TRIM9: variants seen among roughly 807,000 people sequenced by gnomAD.
TRIM9 encodes the protein E3 ubiquitin-protein ligase TRIM9.
A neutral mutation model predicts 78.3 loss-of-function variants in TRIM9; 26 were observed. The ratio of observed to expected loss-of-function variants is 0.33; its 90% CI spans 0.24 to 0.46. The LOEUF is 0.46. Among genes scored for constraint, TRIM9 ranks in the 20% least tolerant of loss-of-function variants. The probability of loss-of-function intolerance (pLI) is 1.00; values close to 1 mark genes in which losing one functional copy is unlikely to be tolerated. For missense variants in TRIM9, 787 were observed against 1,036.4 expected (o/e 0.76, Z 3.30); for synonymous variants, 398 against 416.5 (o/e 0.96, Z 0.54).
intron 5 of TRIM9, among the ~76,000 whole-genome samples, chr14:51,004,224 T>A (rs2055460603): frequency 6.6e-6 from 1 of 152,202 alleles, no homozygotes; most frequent in Non-Finnish European, 1.5e-5. Context: ...CATTTATCCT[T>A]CTTTTAGCCT....
intron 1 of TRIM9, among the ~76,000 whole-genome samples, chr14:51,073,426 A>C (rs1566638370): frequency 6.6e-6 from 1 of 152,266 alleles, no homozygotes. Flanking sequence ...AGAATGGATA[A>C]ATTGTGAAAC....
intron 1 of TRIM9, among the ~76,000 whole-genome samples, chr14:51,068,445 G>A (rs2061939272): frequency 6.6e-6 from 1 of 152,168 alleles, no homozygotes; most frequent in Non-Finnish European, 1.5e-5. Context: ...GATAAAATAA[G>A]AATAAATATC....
chr14:50,976,423 A>T lies in TRIM9; in HGVS notation c.*868T>A, dbSNP rs2051096148. The stretch of plus-strand genomic sequence containing the variant: ...TTATTTTTGCTTTTTCTCCTACTGG[A>T]ATATAAGCTCCGAAGGGCAGAGACC... On this transcript the variant is annotated 3_prime_UTR_variant, in exon 13 of 13. Transcript: ENST00000684578. 6.6e-6 allele frequency: 1 copy of T among 152,150 alleles called. No individual in the cohort carries two copies. The highest frequency in any genetic ancestry group is 2.4e-5 in the African/African-American group (1 of 41,426). 9.4% of individuals were successfully genotyped at this position (152,150 alleles called of 1,614,324 possible).
chr14:51,036,654 A>T (rs2059178767), intron 1 of TRIM9, among the ~76,000 whole-genome samples: 1 of 152,346 alleles, frequency 6.6e-6, no homozygotes, highest in South Asian at 2.1e-4. Context: ...TCTTGACATG[A>T]TCAGTACAGG....
intron 1 of TRIM9, among the ~76,000 whole-genome samples, chr14:51,035,590 G>T (rs2059071624): frequency 6.6e-6 from 1 of 152,166 alleles, no homozygotes. Flanking sequence ...ACTGTTCCCT[G>T]GTAGTTTCAG....
chr14:50,977,791 G>T (rs1451054189), intron 12 of TRIM9, among the ~76,000 whole-genome samples: 2 of 152,118 alleles, frequency 1.3e-5, no homozygotes, highest in African/African-American at 2.4e-5. Flanking sequence ...TTCTGGGGTC[G>T]CATAGATGAT....
intron 3 of TRIM9, among the ~76,000 whole-genome samples, chr14:51,016,658 G>A (rs1206957964): frequency 2.6e-5 from 4 of 151,988 alleles, no homozygotes; most frequent in Non-Finnish European, 5.9e-5. Context: ...AGCATCTGTG[G>A]ATTTTGGTAT....
At chr14:50,989,629 C>T (rs1352039264) in intron 7 of TRIM9, among the ~76,000 whole-genome samples, 2 of 152,096 alleles carry the variant, frequency 1.3e-5, no homozygotes, top group Non-Finnish European at 2.9e-5. Context: ...CGCAGGGATC[C>T]CGTGTGGTTG....
intron 1 of TRIM9, among the ~76,000 whole-genome samples, chr14:51,040,386 T>C (rs112404343): frequency 3.0e-4 from 46 of 152,306 alleles, no homozygotes; most frequent in African/African-American, 9.4e-4. Flanking sequence ...CCTTTTCTTC[T>C]GTTGCCTGTA....
chr14:51,027,170 G>C, intron 1 of TRIM9, among the ~76,000 whole-genome samples: 1 of 113,938 alleles, frequency 8.8e-6, no homozygotes, highest in Non-Finnish European at 1.6e-5. Context: ...TTGAGACAGA[G>C]TCTCACTCTC....
chr14:51,094,779 C>T lies in TRIM9; in HGVS notation c.161G>A (p.Gly54Asp). The T allele has an allele frequency of 6.5e-7, 1 of 1,529,220 alleles. No individual in the cohort carries two copies. Among genetic ancestry groups the T allele is most frequent in the Non-Finnish European group, 8.8e-7 (1 of 1,141,318 alleles). The allele number at this position is 1,529,220 out of a possible 1,614,324, so 94.7% of individuals were successfully genotyped here. Residue 54 changes from glycine to aspartate, a missense_variant, in exon 1 of 13, where the codon GGC becomes GAC. Physicochemically the swap from Gly to Asp is moderately conservative, Grantham distance 94. Coordinates refer to ENST00000684578, the MANE Select transcript of TRIM9 (RefSeq NM_001387360.1). ...ATAGTCATAGTCGGAGACCCCGGAG[C>T]CCGCGGCCCGATGGCTCTGGGGGGA... ...SESPQSHRAA[G>D]SGVSDYDYLD... is the part of the protein sequence containing the mutation.
At chr14:51,027,725 A>G (rs1352467440) in intron 1 of TRIM9, among the ~76,000 whole-genome samples, 1 of 152,204 alleles carries the variant, frequency 6.6e-6, no homozygotes, top group Non-Finnish European at 1.5e-5. Context: ...TATTTCCAGG[A>G]GCCCAAGGGA....
chr14:51,011,956 T>G (rs1207716767), intron 3 of TRIM9, among the ~76,000 whole-genome samples: 2 of 152,230 alleles, frequency 1.3e-5, no homozygotes, highest in Admixed American at 1.3e-4. Context: ...AATCTTAATT[T>G]GCTTAATCAT....
rs11550543 is a variant in TRIM9 at position 50,976,815 on chromosome 14, G to A, written c.*476C>T. 10,754 of 152,712 alleles carry A rather than the reference G, an allele frequency of 0.07. 425 individuals are homozygous for A. Among genetic ancestry groups the A allele is most frequent in the Middle Eastern group, 0.16 (46 of 294 alleles). The allele number at this position is 152,712 out of a possible 1,614,324, so 9.5% of individuals were successfully genotyped here. On this transcript the variant is annotated 3_prime_UTR_variant, in exon 13 of 13. Transcript: ENST00000684578. ...TAAGAGGGTAAGAACATTCTAGCAG[G>A]TAAGCTGTATGCTACAAATTCAGCT...
At chr14:51,000,157 T>A (rs2054773912) in intron 6 of TRIM9, among the ~76,000 whole-genome samples, 1 of 152,180 alleles carries the variant, frequency 6.6e-6, no homozygotes, top group Non-Finnish European at 1.5e-5. Context: ...ATCAAAGACA[T>A]TAGAAGCTGT....
chr14:51,025,701 T>C (rs1220932443), intron 1 of TRIM9, among the ~76,000 whole-genome samples: 2 of 152,156 alleles, frequency 1.3e-5, no homozygotes, highest in Non-Finnish European at 2.9e-5. Flanking sequence ...AACAAAATAG[T>C]GAGTCAGATG....
chr14:51,050,741 T>C (rs2060348941), intron 1 of TRIM9, among the ~76,000 whole-genome samples: 1 of 152,088 alleles, frequency 6.6e-6, no homozygotes, highest in Non-Finnish European at 1.5e-5. Context: ...TCTCTGTTTT[T>C]CCCTCCATCC....
intron 1 of TRIM9, among the ~76,000 whole-genome samples, chr14:51,053,596 T>TTTA (rs2060636924): frequency 1.1e-4 from 6 of 56,452 alleles, no homozygotes; most frequent in Non-Finnish European, 2.5e-4. Flanking sequence ...TTTTTTTTAA[T>TTTA]TTTTTTTTTT....
At chr14:50,999,319 CAA>C (rs2054631523) in intron 6 of TRIM9, among the ~76,000 whole-genome samples, 2 of 151,954 alleles carry the variant, frequency 1.3e-5, no homozygotes, top group African/African-American at 4.8e-5. Context: ...ACTGAAAAGG[CAA>C]AGTCAGGAAT....
Sources: gnomAD v4.1 joint callset for allele counts (sites outside exome capture counted in the v4.1 genomes callset) on GRCh38, gnomAD v4.1.1 for gene constraint, MANE v1.5 for transcripts, NCBI Gene and HGNC (gene_info 2026-07-23, HGNC 2026-07-21) for gene names.